THY1: variants seen among roughly 807,000 people sequenced by gnomAD.
The protein encoded by THY1 is thy-1 membrane glycoprotein.
A neutral mutation model predicts 14.9 loss-of-function variants in THY1; 10 were observed. The ratio of observed to expected loss-of-function variants is 0.67; its 90% CI spans 0.41 to 1.14. THY1 has a LOEUF of 1.14. THY1 is among the 50% of genes most tolerant of loss of function. THY1 has a pLI of 0.00. For missense variants in THY1, 159 were observed against 202.1 expected, an observed-to-expected ratio of 0.79 and a Z score of 1.29; for synonymous variants, 80 against 90.0, an observed-to-expected ratio of 0.89 and a Z score of 0.63.
rs1861923707 is a variant in THY1, at chr11:119,422,339, G to A, written c.-25+774C>T. The A allele has an allele frequency of 6.6e-6, 1 of 152,454 alleles. No homozygotes were observed. Among genetic ancestry groups the A allele is most frequent in the South Asian group, 2.1e-4 (1 of 4,840 alleles). The allele number at this position is 152,454 out of a possible 1,614,324, so 9.4% of individuals were successfully genotyped here. A position where few individuals can be genotyped will look rare whatever the true frequency, so the allele number is the denominator to read the frequency against. On this transcript the variant is annotated intron_variant, in intron 1 of 3. Transcript: ENST00000284240. The surrounding 1 kb of genome is among the most constrained non-coding windows in gnomAD (Gnocchi z 7.0). ...ATCTAGGAGGGGAAGGGGGAGCAAT[G>A]GCCAGAGCAAGAAAGGGAAGAAATG...
chr11:119,424,181 ACT>A (rs1280099861), upstream of THY1: 1 of 152,302 alleles, frequency 6.6e-6, no homozygotes, highest in Non-Finnish European at 1.5e-5. Context: ...CACAAAAAGG[ACT>A]GAGTCGAGGC....
At position 119,419,052 on chromosome 11, in the gene THY1, G is replaced by C. The variant is rs1861837757; in HGVS notation, c.*356C>G. The C allele has an allele frequency of 2.9e-6, 1 of 347,354 alleles. No homozygotes were observed. Among genetic ancestry groups the C allele is most frequent in the African/African-American group, 2.1e-5 (1 of 46,674 alleles). The allele number at this position is 347,354 out of a possible 1,614,324, so 21.5% of individuals were successfully genotyped here. On this transcript the variant is annotated 3_prime_UTR_variant, in exon 4 of 4. Transcript: ENST00000284240. ...GCAAGGATGACCCCTCCAGTGGCTG[G>C]TACCCCACCATCCCACTACCCCTCA...
chr11:119,421,534 T>G (rs571453792), intron 1 of THY1: 2 of 152,358 alleles, frequency 1.3e-5, no homozygotes, highest in African/African-American at 4.8e-5. Context: ...GTTTGCAGAT[T>G]ACTGGCATAT....
rs1054735 is a variant in THY1 at position 119,419,324 on chromosome 11, G to A, written c.*84C>T. On this transcript the variant is annotated 3_prime_UTR_variant, in exon 4 of 4. Transcript: ENST00000284240. ...CTTCTCCTCAAGGTTTGAGGGATTG[G>A]GGGGAGGGGGTCAGCTGACTCAGAG... The A allele has an allele frequency of 6.5e-4, 801 of 1,225,090 alleles. 5 individuals are homozygous for A. In the African/African-American group the frequency reaches 0.011, roughly 17 times the overall value. 75.9% of individuals were successfully genotyped at this position (1,225,090 alleles called of 1,614,324 possible). A position where few individuals can be genotyped will look rare whatever the true frequency, so the allele number is the denominator to read the frequency against.
rs750725780 is a variant in THY1, at chr11:119,420,922, T to A, written c.-17A>T. On this transcript the variant is annotated 5_prime_UTR_variant, in exon 2 of 4. Transcript: ENST00000284240. ...CAGGTTCATGGTTCTGGGATCTCAG[T>A]CCTGGATCTGGGGTGGGAACAGGAT... 6.2e-7 allele frequency: 1 copy of A among 1,614,090 alleles called. No homozygotes were observed. The highest frequency in any genetic ancestry group is 8.5e-7 in the Non-Finnish European group (1 of 1,179,994).
In THY1 at chr11:119,420,145, G is replaced by A. The variant is rs761651678; in HGVS notation, c.279C>T (p.Ala93=). The A allele has an allele frequency of 3.1e-6, 5 of 1,614,268 alleles. No individual in the cohort carries two copies. The highest frequency in any genetic ancestry group is 4.2e-6 in the Non-Finnish European group (5 of 1,180,048). Residue 93 remains alanine, a synonymous_variant, in exon 3 of 4, where the codon GCC becomes GCT. Transcript: ENST00000284240. ...AGGTGCCCTCGTCCTTGCTAGTGAA[G>A]GCGGATAAGTAGAGGACCTTCATGT... ...KYNMKVLYLS[A]FTSKDEGTYT...
chr11:119,423,240 C>T (rs959472389), upstream of THY1: 7 of 421,174 alleles, frequency 1.7e-5, no homozygotes, highest in Admixed American at 1.7e-4. Context: ...GCCGGGGGCT[C>T]AGCCAATCAG....
In THY1 at chr11:119,423,122, G is replaced by T. The variant is rs942913019; in HGVS notation, c.-34C>A. 1 of 456,138 alleles carries T rather than the reference G, an allele frequency of 2.2e-6. No individual in the cohort carries two copies. Among genetic ancestry groups the T allele is most frequent in the Non-Finnish European group, 4.4e-6 (1 of 226,886 alleles). 28.3% of individuals were successfully genotyped at this position (456,138 alleles called of 1,614,324 possible). On this transcript the variant is annotated 5_prime_UTR_variant, in exon 1 of 4. Transcript: ENST00000284240. ...CGGCTCCAGTTCCCACCTGGACTGGGGTCTTCCGCTGCTGCAGCCTCCTCC... is the reference window on the plus strand; with the variant it reads ...CGGCTCCAGTTCCCACCTGGACTGGTGTCTTCCGCTGCTGCAGCCTCCTCC...
rs1861929816 is a variant in THY1, at chr11:119,422,616, GC to G, written c.-25+496del. 6.8e-6 allele frequency: 1 copy of G among 147,984 alleles called. No individual in the cohort carries two copies. The highest frequency in any genetic ancestry group is 1.4e-5 in the Non-Finnish European group (1 of 70,010). The allele number at this position is 147,984 out of a possible 1,614,324, so 9.2% of individuals were successfully genotyped here. A position where few individuals can be genotyped will look rare whatever the true frequency, so the allele number is the denominator to read the frequency against. ...TTTCCAGCTCTCCCCTCCCCCGTCC[GC>G]CCGCCTTCCACCCAGTCCCCGCCTG... is the stretch of plus-strand genomic sequence containing the variant. On this transcript the variant is annotated intron_variant, in intron 1 of 3. Transcript: ENST00000284240. This position sits in a 1 kb window ranked among gnomAD's most constrained non-coding sequence, Gnocchi z 7.0.
intron 2 of THY1, chr11:119,420,588 A>T: frequency 1.6e-6 from 1 of 638,876 alleles, no homozygotes; most frequent in Non-Finnish European, 2.7e-6. Context: ...GATCCTATCA[A>T]TGTGTTTCAA....
upstream of THY1, chr11:119,424,770 C>G (rs1358091874): frequency 6.6e-6 from 1 of 152,096 alleles, no homozygotes; most frequent in East Asian, 1.9e-4. Context: ...GACTGTCCCT[C>G]TTCATAGGTG....
At chr11:119,419,851 C>T in intron 3 of THY1, 200 bp downstream of exon 3, 1 of 662,268 alleles carries the variant, frequency 1.5e-6, no homozygotes, top group Non-Finnish European at 2.5e-6. Flanking sequence ...GGTGGAACCA[C>T]ACTGCTCTGC....
intron 1 of THY1, 81 bp from the exon 2 acceptor site, chr11:119,421,010 AG>A: frequency 1.5e-6 from 2 of 1,343,038 alleles, no homozygotes; most frequent in East Asian, 4.6e-5. Context: ...AACATGGCAT[AG>A]TGGCTATGGC....
At chr11:119,421,477 C>G (rs984297539) in intron 1 of THY1, 8 of 152,220 alleles carry the variant, frequency 5.3e-5, no homozygotes, top group African/African-American at 1.4e-4. Flanking sequence ...TTAGGGACTT[C>G]CCATTTCCTG....
At chr11:119,421,053 C>T (rs1267499153) in intron 1 of THY1, 124 bp from the exon 2 acceptor site, 1 of 795,860 alleles carries the variant, frequency 1.3e-6, no homozygotes, top group South Asian at 1.7e-5. Context: ...CATTCCCCCT[C>T]TCGTCCCTGC....
At position 119,415,901 on chromosome 11, in the gene THY1, T is replaced by C. The variant is rs1227435705; in HGVS notation, c.*3507A>G. 7.2e-6 allele frequency among the ~76,000 whole-genome samples: 1 copy of C among 138,306 alleles called. No individual in the cohort carries two copies. Among genetic ancestry groups the C allele is most frequent in the Non-Finnish European group, 1.6e-5 (1 of 64,250 alleles). 90.7% of individuals were successfully genotyped at this position (138,306 alleles called of 152,430 possible). A position where few individuals can be genotyped will look rare whatever the true frequency, so the allele number is the denominator to read the frequency against. ...ATTTTCTCACTAGTAAATGAGATGATTTACTCTTGACTTGGGTTTGTTTGT... is the reference window on the plus strand; with the variant it reads ...ATTTTCTCACTAGTAAATGAGATGACTTACTCTTGACTTGGGTTTGTTTGT... On this transcript the variant is annotated 3_prime_UTR_variant, in exon 4 of 4. Coordinates refer to ENST00000284240, the MANE Select transcript of THY1 (RefSeq NM_006288.5).
Position 119,415,900 on chromosome 11 carries a change from A to G in THY1, c.*3508T>C, listed in dbSNP as rs1565324698. On this transcript the variant is annotated 3_prime_UTR_variant, in exon 4 of 4. Coordinates refer to ENST00000284240, the MANE Select transcript of THY1 (RefSeq NM_006288.5). ...CATTTTCTCACTAGTAAATGAGATG[A>G]TTTACTCTTGACTTGGGTTTGTTTG... is the stretch of plus-strand genomic sequence containing the variant. Among the ~76,000 whole-genome samples, 2 of 139,854 alleles carry G rather than the reference A, an allele frequency of 1.4e-5. No homozygotes were observed. The highest frequency in any genetic ancestry group is 3.1e-5 in the Non-Finnish European group (2 of 64,828). The allele number at this position is 139,854 out of a possible 152,430, so 91.7% of individuals were successfully genotyped here.
At position 119,419,194 on chromosome 11, in the gene THY1, A is replaced by C; in HGVS notation, c.*214T>G. 1.7e-6 allele frequency: 1 copy of C among 601,804 alleles called. No homozygotes were observed. The highest frequency in any genetic ancestry group is 2.6e-5 in the Admixed American group (1 of 38,640). The allele number at this position is 601,804 out of a possible 1,614,324, so 37.3% of individuals were successfully genotyped here. On this transcript the variant is annotated 3_prime_UTR_variant, in exon 4 of 4. Coordinates refer to ENST00000284240, the MANE Select transcript of THY1 (RefSeq NM_006288.5). ...CAGAAGCAGCTCTGGAACAAAAAGT[A>C]CAAAAAGACAGCCAGAGGTGTGCGG...
At chr11:119,420,565 T>A in intron 2 of THY1, 179 bp from the exon 3 acceptor site, 1 of 660,090 alleles carries the variant, frequency 1.5e-6, no homozygotes, top group Non-Finnish European at 2.6e-6. Flanking sequence ...CTCCCCACTC[T>A]GCTTGAGCCT....
Sources: allele counts gnomAD v4.1 joint callset (sites outside exome capture counted in the v4.1 genomes callset), GRCh38; gene constraint gnomAD v4.1.1; non-coding constraint Gnocchi (gnomAD v3.1); transcripts MANE v1.5; gene names NCBI Gene and HGNC (gene_info 2026-07-23, HGNC 2026-07-21).